SMARCD2: variants seen among roughly 807,000 people sequenced by gnomAD.
The protein encoded by SMARCD2 is SWI/SNF related BAF chromatin remodeling complex subunit D2.
SMARCD2 carries 39 observed loss-of-function variants against 70.4 expected under a neutral mutation model. The ratio of observed to expected loss-of-function variants is 0.55; its 90% confidence interval spans 0.43 to 0.72. SMARCD2 has a LOEUF of 0.72. Among genes scored for constraint, SMARCD2 ranks in the 30% least tolerant of loss-of-function variants. The pLI, the probability that SMARCD2 is intolerant of heterozygous loss-of-function variation, is 0.00. For missense variants in SMARCD2, 540 were observed against 713.4 expected (o/e 0.76, Z 2.77); for synonymous variants, 249 against 279.4 (o/e 0.89, Z 1.08).
Position 63,833,492 on chromosome 17 carries a change from C to A in SMARCD2, c.1318-72G>T. ...AAGCAACTGAGCCAGAGTTCCCATC[C>A]CGTCCTCCAGGTGCTACATGTATGG... is the stretch of plus-strand genomic sequence containing the variant. On this transcript the variant is annotated intron_variant, in intron 10 of 12. Coordinates refer to ENST00000448276, the MANE Select transcript of SMARCD2 (RefSeq NM_001098426.2). This position sits in a 1 kb window ranked among gnomAD's most constrained non-coding sequence, Gnocchi z 4.3. 1 of 1,609,410 alleles carries A rather than the reference C, an allele frequency of 6.2e-7. No homozygotes were observed.
intron 5 of SMARCD2, chr17:63,835,211 C>G: frequency 1.7e-6 from 1 of 575,300 alleles, no homozygotes. Flanking sequence ...GAAGCTCGAC[C>G]TCCTGGGCTC....
At chr17:63,842,421 G>C in intron 1 of SMARCD2, 38 bp downstream of exon 1, 1 of 1,326,986 alleles carries the variant, frequency 7.5e-7, no homozygotes, top group Non-Finnish European at 9.6e-7. Flanking sequence ...CCCTCGCAGC[G>C]CCTCTCGCCC....
At chr17:63,841,682 T>C (rs1904467523) in intron 1 of SMARCD2, among the ~76,000 whole-genome samples, 1 of 152,204 alleles carries the variant, frequency 6.6e-6, no homozygotes, top group African/African-American at 2.4e-5. Context: ...ACAGCACTCT[T>C]TGAAGCAACT....
At position 63,832,284 on chromosome 17, in the gene SMARCD2, A is replaced by AGC. The variant is rs1463613812; in HGVS notation, c.*652_*653dup. 1 of 375,706 alleles carries AGC rather than the reference A, an allele frequency of 2.7e-6. No individual in the cohort carries two copies. The highest frequency in any genetic ancestry group is 2.1e-5 in the African/African-American group (1 of 48,674). 23.3% of individuals were successfully genotyped at this position (375,706 alleles called of 1,614,324 possible). On this transcript the variant is annotated 3_prime_UTR_variant, in exon 13 of 13. Transcript: ENST00000448276. ...ACTGGAGTGTCCCCTCCCCGGCCCAAGCCGCTGGAGAGGCAGCCCTCTGGC... is the reference window on the plus strand; with the variant it reads ...ACTGGAGTGTCCCCTCCCCGGCCCAAGCGCCGCTGGAGAGGCAGCCCTCTGGC...
intron 5 of SMARCD2, 92 bp downstream of exon 5, chr17:63,835,320 G>T: frequency 1.5e-6 from 2 of 1,339,902 alleles, no homozygotes; most frequent in Non-Finnish European, 2.0e-6. Context: ...ATGGGGTCTG[G>T]CTCTGCTGCT....
At chr17:63,839,956 G>A (rs368133374) in intron 1 of SMARCD2, among the ~76,000 whole-genome samples, 5 of 152,142 alleles carry the variant, frequency 3.3e-5, no homozygotes, top group East Asian at 3.9e-4. Context: ...GTGAAACCTC[G>A]TCTCTACTAA....
In SMARCD2 at chr17:63,833,991, G is replaced by T. The variant is rs1025863088; in HGVS notation, c.1099C>A (p.Arg367=). The change falls in exon 9 of 13, where the codon CGA becomes AGA. Residue 367 remains arginine (R), a synonymous_variant. Transcript: ENST00000448276. This position sits in a 1 kb window ranked among gnomAD's most constrained non-coding sequence, Gnocchi z 4.3. Reference sequence around the variant, plus strand: ...ATGGGAATCTCGGAGAAACGGAGTCGGCCACAACTGAAGATCTGGAGGAAA... The same window carrying T: ...ATGGGAATCTCGGAGAAACGGAGTCTGCCACAACTGAAGATCTGGAGGAAA... The part of the protein sequence containing the change: ...RYFRQIFSCG[R]LRFSEIPMKL... 6.2e-7 allele frequency: 1 copy of T among 1,613,624 alleles called. No individual in the cohort carries two copies. The highest frequency in any genetic ancestry group is 1.7e-5 in the Admixed American group (1 of 59,998).
In SMARCD2 at chr17:63,837,955, C is replaced by T. The variant is rs2040287350; in HGVS notation, c.217-330G>A. On this transcript the variant is annotated intron_variant, in intron 1 of 12. Coordinates refer to ENST00000448276, the MANE Select transcript of SMARCD2 (RefSeq NM_001098426.2). The surrounding 1 kb of genome is among the most constrained non-coding windows in gnomAD (Gnocchi z 6.4). ...CCTTCCAGCCCCAGCATGCTGTGCC[C>T]TATTCCCTGGGCAAGCTGGTCCCTA... 1.3e-5 allele frequency among the ~76,000 whole-genome samples: 2 copies of T among 152,114 alleles called. No homozygotes were observed. Among genetic ancestry groups the T allele is most frequent in the Admixed American group, 1.3e-4 (2 of 15,278 alleles).
chr17:63,840,104 G>C (rs969669392), intron 1 of SMARCD2, among the ~76,000 whole-genome samples: 72 of 152,066 alleles, frequency 4.7e-4, no homozygotes, highest in African/African-American at 1.6e-3. Context: ...ACTCCAGCCT[G>C]GGCGACAGAG....
rs998110874 is a variant in SMARCD2, at chr17:63,833,920, G to A, written c.1170C>T (p.Asn390=). 36 of 1,610,948 alleles carry A rather than the reference G, an allele frequency of 2.2e-5. No homozygotes were observed. The African/African-American group carries it at 4.0e-4, about 18-fold the overall frequency. The change falls in exon 9 of 13, where the codon AAC becomes AAT. Residue 390 remains asparagine (N), a synonymous_variant. Coordinates refer to ENST00000448276, the MANE Select transcript of SMARCD2 (RefSeq NM_001098426.2). This position sits in a 1 kb window ranked among gnomAD's most constrained non-coding sequence, Gnocchi z 4.3. Reference sequence around the variant, plus strand: ...CTCCTTGCATTTACCTAATGACATGGTTGATGACAATGGGGTCTGGATGCT... The same window carrying A: ...CTCCTTGCATTTACCTAATGACATGATTGATGACAATGGGGTCTGGATGCT... The part of the protein sequence containing the change: ...LLQHPDPIVI[N]HVISVDPNDQ...
chr17:63,839,425 A>G (rs573028058), intron 1 of SMARCD2, among the ~76,000 whole-genome samples: 152 of 152,186 alleles, frequency 1.0e-3, no homozygotes, highest in Non-Finnish European at 1.9e-3. Flanking sequence ...AATAGGCTCC[A>G]CCCAGACATC....
intron 4 of SMARCD2, 111 bp from the exon 5 acceptor site, chr17:63,835,678 C>T: frequency 1.0e-6 from 1 of 970,776 alleles, no homozygotes; most frequent in Non-Finnish European, 1.5e-6. Context: ...CACCATGAGC[C>T]AGCCAGGCAC....
rs1328997491 is a variant in SMARCD2 at position 63,833,008 on chromosome 17, C to G, written c.1543-17G>C. The G allele has an allele frequency of 1.3e-6, 2 of 1,587,296 alleles. No homozygotes were observed. The highest frequency in any genetic ancestry group is 1.7e-6 in the Non-Finnish European group (2 of 1,168,082). On this transcript the variant is annotated splice_polypyrimidine_tract_variant and intron_variant, in intron 12 of 12. Transcript: ENST00000448276. This position sits in a 1 kb window ranked among gnomAD's most constrained non-coding sequence, Gnocchi z 4.3. The stretch of plus-strand genomic sequence containing the variant: ...CTGCTGCACCTGGAGAAGGGAGAAA[C>G]CAAGTGGCTCAGGCCTTTGCTACTC...
At chr17:63,836,289 C>A (rs575467408) in intron 4 of SMARCD2, among the ~76,000 whole-genome samples, 1 of 151,634 alleles carries the variant, frequency 6.6e-6, no homozygotes, top group Non-Finnish European at 1.5e-5. Flanking sequence ...TTTGGGAGGC[C>A]GAGGCAGTCA....
chr17:63,837,351 C>T lies in SMARCD2; in HGVS notation c.401+90G>A, dbSNP rs1192224747. On this transcript the variant is annotated intron_variant, in intron 2 of 12. Transcript: ENST00000448276. The surrounding 1 kb of genome is among the most constrained non-coding windows in gnomAD (Gnocchi z 6.4). ...TCCCCCAGGAGAGCCTGGAGTCATC[C>T]TCAGTCACCAAAGCTCTTAAGATAG... is the stretch of plus-strand genomic sequence containing the variant. The T allele has an allele frequency of 1.3e-6, 2 of 1,526,836 alleles. No homozygotes were observed. Among genetic ancestry groups the T allele is most frequent in the Admixed American group, 1.7e-5 (1 of 59,464 alleles). The allele number at this position is 1,526,836 out of a possible 1,614,324, so 94.6% of individuals were successfully genotyped here. A position where few individuals can be genotyped will look rare whatever the true frequency, so the allele number is the denominator to read the frequency against.
At chr17:63,842,012 C>T (rs1257708878) in intron 1 of SMARCD2, among the ~76,000 whole-genome samples, 1 of 152,234 alleles carries the variant, frequency 6.6e-6, no homozygotes, top group Non-Finnish European at 1.5e-5. Flanking sequence ...CTCAGACACG[C>T]TAGAGCTCCG....
chr17:63,839,676 G>C (rs1318588740), intron 1 of SMARCD2, among the ~76,000 whole-genome samples: 2 of 151,638 alleles, frequency 1.3e-5, no homozygotes, highest in East Asian at 3.9e-4. Context: ...GCCTGCAGCA[G>C]GACCAGGTAG....
intron 1 of SMARCD2, among the ~76,000 whole-genome samples, chr17:63,840,614 C>A (rs1904422870): frequency 6.6e-6 from 1 of 152,176 alleles, no homozygotes; most frequent in Non-Finnish European, 1.5e-5. Context: ...CTCAAATTCT[C>A]ACTTTTCAAG....
Position 63,833,127 on chromosome 17 carries a change from G to C in SMARCD2, c.1484C>G (p.Ala495Gly). ...GGCCCAGGGCTGGTGGTAGAAAGCA[G>C]CTCGTCTCTCCTCCTCAGGATTTCC... ...VIGNPEEERR[A>G]AFYHQPWAQE... The change falls in exon 12 of 13, where the codon GCT (alanine) becomes GGT (glycine). Residue 495 changes from alanine (A) to glycine (G), a missense_variant. Transcript: ENST00000448276. This position sits in a 1 kb window ranked among gnomAD's most constrained non-coding sequence, Gnocchi z 4.3. The C allele has an allele frequency of 6.2e-7, 1 of 1,607,542 alleles. No homozygotes were observed. The highest frequency in any genetic ancestry group is 1.1e-5 in the South Asian group (1 of 89,796).
Sources: allele counts gnomAD v4.1 joint callset (sites outside exome capture counted in the v4.1 genomes callset), GRCh38; gene constraint gnomAD v4.1.1; non-coding constraint Gnocchi (gnomAD v3.1); transcripts MANE v1.5; gene names NCBI Gene and HGNC (gene_info 2026-07-23, HGNC 2026-07-21).